Variants in EXT1 observed in about 807,000 individuals in gnomAD.
EXT1 encodes exostosin-1.
In EXT1, 20 loss-of-function variants were observed where a neutral mutation model predicts 82.5. The observed-to-expected ratio is 0.24, with a 90% CI of 0.17 to 0.35. EXT1 has a LOEUF of 0.35. Ranked by LOEUF, EXT1 falls within the 10% of genes least tolerant of loss-of-function variation. EXT1 has a pLI of 1.00. For missense variants in EXT1, 757 were observed against 936.5 expected, an observed-to-expected ratio of 0.81 and a Z score of 2.50; for synonymous variants, 348 against 350.8, an observed-to-expected ratio of 0.99 and a Z score of 0.09.
chr8:118,067,503 T>G (rs929780336), intron 1 of EXT1, among the ~76,000 whole-genome samples: 4 of 152,228 alleles, frequency 2.6e-5, no homozygotes, highest in African/African-American at 7.2e-5. Context: ...CTAATGAACT[T>G]TCCAGGATGG....
intron 1 of EXT1, among the ~76,000 whole-genome samples, chr8:117,926,076 G>A (rs2129641347): frequency 6.6e-6 from 1 of 152,300 alleles, no homozygotes; most frequent in South Asian, 2.1e-4. Flanking sequence ...GACCGCACTT[G>A]GCCTAAGATC....
chr8:117,875,420 CTAAATAAATAAATAAA>C lies in EXT1; in HGVS notation c.963-38235_963-38220del, dbSNP rs67268592. Reference sequence around the variant, plus strand: ...TGGGTGATAGAGTGAAACTACCTCTCTAAATAAATAAATAAATAAATAAATAAATAAATAAATAAAT... The same window carrying C: ...TGGGTGATAGAGTGAAACTACCTCTCTAAATAAATAAATAAATAAATAAAT... On this transcript the variant is annotated intron_variant, in intron 1 of 10. Coordinates refer to ENST00000378204, the MANE Select transcript of EXT1 (RefSeq NM_000127.3). Among the ~76,000 whole-genome samples, 256 of 139,296 alleles carry C rather than the reference CTAAATAAATAAATAAA, an allele frequency of 1.8e-3. 1 individual carries two copies. The highest frequency in any genetic ancestry group is 2.7e-3 in the African/African-American group (100 of 37,606). The allele number at this position is 139,296 out of a possible 152,430, so 91.4% of individuals were successfully genotyped here.
At chr8:117,895,704 A>C (rs1813322696) in intron 1 of EXT1, among the ~76,000 whole-genome samples, 1 of 152,350 alleles carries the variant, frequency 6.6e-6, no homozygotes, top group South Asian at 2.1e-4. Context: ...CTAGGCAACA[A>C]GAAATGTTCT....
chr8:118,110,509 T>G lies in EXT1; in HGVS notation c.538A>C (p.Ser180Arg). ...YVHNLRSKVQ[S>R]LHLWNNGRNH... ...CTACCATTGTTCCACAAGTGGAGAC[T>G]CTGCACTTTGGATCTCAAATTGTGC... The change falls in exon 1 of 11, where the codon AGT (serine) becomes CGT (arginine). Residue 180 changes from serine to arginine, a missense_variant. Coordinates refer to ENST00000378204, the MANE Select transcript of EXT1 (RefSeq NM_000127.3). 1 of 1,614,190 alleles carries G rather than the reference T, an allele frequency of 6.2e-7. No individual in the cohort carries two copies. Among genetic ancestry groups the G allele is most frequent in the Non-Finnish European group, 8.5e-7 (1 of 1,180,044 alleles).
intron 8 of EXT1, 148 bp from the exon 9 acceptor site, chr8:117,807,525 C>T (rs907583755): frequency 2.3e-6 from 2 of 881,842 alleles, no homozygotes; most frequent in Non-Finnish European, 3.6e-6. Context: ...ATTAAACTGA[C>T]TGCTTGACAT....
At chr8:117,923,637 A>C in intron 1 of EXT1, among the ~76,000 whole-genome samples, 1 of 151,232 alleles carries the variant, frequency 6.6e-6, no homozygotes, top group Non-Finnish European at 1.5e-5. Flanking sequence ...GAGGCAGGAG[A>C]ATGGTGTGAA....
At chr8:117,890,589 A>G (rs76062242) in intron 1 of EXT1, among the ~76,000 whole-genome samples, 11 of 152,334 alleles carry the variant, frequency 7.2e-5, no homozygotes, top group African/African-American at 2.6e-4. Context: ...TTCAATAAAG[A>G]TGAAGAGAGT....
intron 1 of EXT1, among the ~76,000 whole-genome samples, chr8:118,071,390 T>C (rs1437581209): frequency 6.6e-6 from 1 of 152,182 alleles, no homozygotes; most frequent in Non-Finnish European, 1.5e-5. Flanking sequence ...TTTACTATTG[T>C]CTGGAATACA....
chr8:117,865,920 T>C (rs1462556167), intron 1 of EXT1, among the ~76,000 whole-genome samples: 1 of 152,208 alleles, frequency 6.6e-6, no homozygotes, highest in Non-Finnish European at 1.5e-5. Context: ...TTCTTGTGTA[T>C]ATTCTCAACA....
At chr8:117,832,906 C>T (rs10101905) in intron 3 of EXT1, among the ~76,000 whole-genome samples, 2,969 of 151,992 alleles carry the variant, frequency 0.02, 101 homozygotes, top group African/African-American at 0.069. Flanking sequence ...TGGAAGTTGC[C>T]GAGCTCAATG....
intron 1 of EXT1, among the ~76,000 whole-genome samples, chr8:117,942,988 T>C (rs1586299966): frequency 6.6e-6 from 1 of 152,196 alleles, no homozygotes; most frequent in Admixed American, 6.5e-5. Context: ...AAACGTCTTT[T>C]TGAATACAAA....
At chr8:118,099,148 G>A (rs1817672480) in intron 1 of EXT1, among the ~76,000 whole-genome samples, 1 of 152,232 alleles carries the variant, frequency 6.6e-6, no homozygotes, top group Non-Finnish European at 1.5e-5. Context: ...CACAGAAGCT[G>A]TGCTTGGTGA....
intron 1 of EXT1, among the ~76,000 whole-genome samples, chr8:118,098,492 C>A (rs112186631): frequency 0.013 from 1,911 of 152,196 alleles, 46 homozygotes; most frequent in African/African-American, 0.04. Context: ...GTGGCTCGCT[C>A]ATACCTGTAA....
intron 1 of EXT1, among the ~76,000 whole-genome samples, chr8:118,085,047 G>C (rs560274787): frequency 6.6e-6 from 1 of 152,326 alleles, no homozygotes; most frequent in South Asian, 2.1e-4. Flanking sequence ...ACAAGGTACA[G>C]ATGTTTCGAT....
At chr8:117,932,964 C>T (rs951547398) in intron 1 of EXT1, among the ~76,000 whole-genome samples, 1 of 152,078 alleles carries the variant, frequency 6.6e-6, no homozygotes. Context: ...ACATCTTCCC[C>T]GTGCTCACTC....
chr8:117,947,956 G>A (rs1391430141), intron 1 of EXT1, among the ~76,000 whole-genome samples: 1 of 152,138 alleles, frequency 6.6e-6, no homozygotes, highest in African/African-American at 2.4e-5. Context: ...TTTCCCAACT[G>A]CTATCAGAGA....
chr8:118,035,332 A>C (rs560659968), intron 1 of EXT1, among the ~76,000 whole-genome samples: 1 of 152,262 alleles, frequency 6.6e-6, no homozygotes, highest in East Asian at 1.9e-4. Context: ...GTCTGAAGCC[A>C]CCGGAAGCCA....
chr8:118,013,865 T>C (rs1454573906), intron 1 of EXT1, among the ~76,000 whole-genome samples: 3 of 152,238 alleles, frequency 2.0e-5, no homozygotes, highest in Admixed American at 1.3e-4. Context: ...TCCTACATTT[T>C]ACCTGGCAAC....
intron 1 of EXT1, among the ~76,000 whole-genome samples, chr8:117,858,340 A>G (rs761304589): frequency 6.6e-6 from 1 of 152,156 alleles, no homozygotes; most frequent in African/African-American, 2.4e-5. Flanking sequence ...TGAAAGGAAG[A>G]GTCAATCGTT....
Sources: gnomAD v4.1 joint callset for allele counts (sites outside exome capture counted in the v4.1 genomes callset) on GRCh38, gnomAD v4.1.1 for gene constraint, MANE v1.5 for transcripts, NCBI Gene and HGNC (gene_info 2026-07-23, HGNC 2026-07-21) for gene names.